PAPPA: variants seen among roughly 807,000 people sequenced by gnomAD.
PAPPA encodes the protein pappalysin 1.
In PAPPA, 60 loss-of-function variants were observed where a neutral mutation model predicts 164.0. The observed-to-expected ratio is 0.37, with a 90% CI of 0.30 to 0.45. PAPPA has a LOEUF of 0.45. Among genes scored for constraint, PAPPA ranks in the 20% least tolerant of loss-of-function variants. The pLI is 1.00. For missense variants in PAPPA, 1,782 were observed against 2,087.3 expected, an observed-to-expected ratio of 0.85 and a Z score of 2.85; for synonymous variants, 875 against 814.1, an observed-to-expected ratio of 1.07 and a Z score of -1.27.
intron 15 of PAPPA, among the ~76,000 whole-genome samples, chr9:116,349,702 T>G (rs1029337608): frequency 1.3e-5 from 2 of 152,228 alleles, no homozygotes; most frequent in African/African-American, 4.8e-5. Flanking sequence ...CCCACATTTG[T>G]AGACAGGCTG....
chr9:116,286,550 T>C (rs941696688), intron 9 of PAPPA: 1 of 152,186 alleles, frequency 6.6e-6, no homozygotes, highest in Non-Finnish European at 1.5e-5. Context: ...GTACTTGAGC[T>C]GAAGGTCCCC....
chr9:116,234,812 T>C (rs1352946479), intron 6 of PAPPA, among the ~76,000 whole-genome samples: 1 of 152,212 alleles, frequency 6.6e-6, no homozygotes. Context: ...GTTTAGCCAA[T>C]ATGTACCCTT....
rs2118629009 is a variant in PAPPA at position 116,187,602 on chromosome 9, G to T, written c.864G>T (p.Glu288Asp). The part of the protein sequence containing the change: ...HTALPQLLLQ[E>D]NWDNVKHAWS... ...CTCTACCTCAGCTCCTCCTCCAGGA[G>T]AACTGGGACAATGTGAAGCATGCCT... The change falls in exon 2 of 22, where the codon GAG becomes GAT. Residue 288 changes from glutamate to aspartate, a missense_variant. Glu to Asp is a conservative substitution (Grantham distance 45). Coordinates refer to ENST00000328252, the MANE Select transcript of PAPPA (RefSeq NM_002581.5). This position sits in a 1 kb window ranked among gnomAD's most constrained non-coding sequence, Gnocchi z 4.2. The T allele has an allele frequency of 1.2e-6, 2 of 1,614,226 alleles. No homozygotes were observed. The highest frequency in any genetic ancestry group is 4.5e-5 in the East Asian group (2 of 44,874).
Position 116,347,551 on chromosome 9 carries a change from T to C in PAPPA, c.3964+342T>C, listed in dbSNP as rs1846227832. Among the ~76,000 whole-genome samples, 1 of 152,202 alleles carries C rather than the reference T, an allele frequency of 6.6e-6. No homozygotes were observed. Among genetic ancestry groups the C allele is most frequent in the Admixed American group, 6.5e-5 (1 of 15,286 alleles). The stretch of plus-strand genomic sequence containing the variant: ...TGGGACTGATGAAACTAATTCACTC[T>C]GTATGATTAGGGCCAGTAAGCCTTA... On this transcript the variant is annotated intron_variant, in intron 15 of 21. Coordinates refer to ENST00000328252, the MANE Select transcript of PAPPA (RefSeq NM_002581.5). The surrounding 1 kb of genome is among the most constrained non-coding windows in gnomAD (Gnocchi z 4.5).
At chr9:116,325,115 G>A (rs1242039907) in intron 10 of PAPPA, among the ~76,000 whole-genome samples, 1 of 152,218 alleles carries the variant, frequency 6.6e-6, no homozygotes, top group East Asian at 1.9e-4. Flanking sequence ...GGAGGTTTCA[G>A]TTGAGTCCAA....
At chr9:116,386,185 G>T (rs1346288022) in intron 21 of PAPPA, among the ~76,000 whole-genome samples, 1 of 152,054 alleles carries the variant, frequency 6.6e-6, no homozygotes, top group African/African-American at 2.4e-5. Context: ...AGGTGTTTGG[G>T]GCTTTTCAGA....
chr9:116,299,877 ATT>A (rs11365748), intron 9 of PAPPA, among the ~76,000 whole-genome samples: 2,465 of 142,780 alleles, frequency 0.017, 61 homozygotes, highest in African/African-American at 0.051. Flanking sequence ...CATTACCTCC[ATT>A]TTTTTTTTTT....
intron 6 of PAPPA, among the ~76,000 whole-genome samples, chr9:116,230,934 G>C (rs1159726202): frequency 6.6e-6 from 1 of 152,054 alleles, no homozygotes; most frequent in Non-Finnish European, 1.5e-5. Context: ...TTAGCACATG[G>C]CACTAACTGT....
chr9:116,167,471 G>A (rs1843730579), intron 1 of PAPPA, among the ~76,000 whole-genome samples: 1 of 152,122 alleles, frequency 6.6e-6, no homozygotes, highest in South Asian at 2.1e-4. Flanking sequence ...AGGACCAATT[G>A]TGCACTTATT....
At chr9:116,220,268 T>G in intron 5 of PAPPA, 139 bp downstream of exon 5, 1 of 544,428 alleles carries the variant, frequency 1.8e-6, no homozygotes, top group Admixed American at 3.2e-5. Flanking sequence ...CCACCTAGCA[T>G]GTTGTAAATT....
intron 7 of PAPPA, among the ~76,000 whole-genome samples, chr9:116,252,892 A>G (rs749953793): frequency 2.0e-5 from 3 of 152,182 alleles, no homozygotes; most frequent in Admixed American, 6.5e-5. Flanking sequence ...TACTGCTCAG[A>G]GCACTATACT....
chr9:116,396,773 A>C lies in PAPPA; in HGVS notation c.*157A>C. 1.7e-6 allele frequency: 1 copy of C among 596,616 alleles called. No individual in the cohort carries two copies. Among genetic ancestry groups the C allele is most frequent in the African/African-American group, 1.9e-5 (1 of 53,932 alleles). 37.0% of individuals were successfully genotyped at this position (596,616 alleles called of 1,614,324 possible). A position where few individuals can be genotyped will look rare whatever the true frequency, so the allele number is the denominator to read the frequency against. ...TTAATTTTACCCAGGAAGGACTCAC[A>C]TTGGGGCGAATGAACCAAGTTTCGC... On this transcript the variant is annotated 3_prime_UTR_variant, in exon 22 of 22. Transcript: ENST00000328252.
chr9:116,281,570 A>G (rs1331205582), intron 9 of PAPPA, among the ~76,000 whole-genome samples: 1 of 152,158 alleles, frequency 6.6e-6, no homozygotes, highest in African/African-American at 2.4e-5. Context: ...TTTAGGCAGC[A>G]TCCAGGATCC....
At chr9:116,238,245 A>G (rs1355953880) in intron 7 of PAPPA, among the ~76,000 whole-genome samples, 2 of 152,238 alleles carry the variant, frequency 1.3e-5, no homozygotes, top group Non-Finnish European at 2.9e-5. Context: ...GTGTGGCCCC[A>G]GACCAATGGC....
intron 2 of PAPPA, among the ~76,000 whole-genome samples, chr9:116,193,944 T>TGGA (rs1844073855): frequency 6.6e-6 from 1 of 152,164 alleles, no homozygotes; most frequent in African/African-American, 2.4e-5. Flanking sequence ...AGGGATGCAA[T>TGGA]AGGCTTTTAG....
In PAPPA at chr9:116,358,920, T is replaced by C. The variant is rs117675045; in HGVS notation, c.4348-3672T>C. On this transcript the variant is annotated intron_variant, in intron 17 of 21. Transcript: ENST00000328252. ...CAGTACAGCAAAGTGAGTAAGAACC[T>C]CATCTGACGATTACAGAGCTCAGTA... 3.2e-4 allele frequency among the ~76,000 whole-genome samples: 48 copies of C among 152,332 alleles called. No homozygotes were observed. The East Asian group carries it at 9.1e-3, about 29-fold the overall frequency.
At chr9:116,294,098 A>G (rs1254254626) in intron 9 of PAPPA, among the ~76,000 whole-genome samples, 1 of 152,206 alleles carries the variant, frequency 6.6e-6, no homozygotes, top group Non-Finnish European at 1.5e-5. Flanking sequence ...AGGGCTAAGT[A>G]GATAGAATAT....
At chr9:116,334,790 C>A in intron 12 of PAPPA, 71 bp from the exon 13 acceptor site, 1 of 1,148,500 alleles carries the variant, frequency 8.7e-7, no homozygotes, top group Non-Finnish European at 1.3e-6. Flanking sequence ...TCGGGAAGGG[C>A]CCGTTGGGGA....
intron 4 of PAPPA, among the ~76,000 whole-genome samples, chr9:116,218,788 G>A (rs998959303): frequency 2.0e-5 from 3 of 152,046 alleles, no homozygotes; most frequent in Admixed American, 2.0e-4. Flanking sequence ...GGACTGCCTG[G>A]GTTCAAACCC....
Sources: allele counts gnomAD v4.1 joint callset (sites outside exome capture counted in the v4.1 genomes callset), GRCh38; gene constraint gnomAD v4.1.1; non-coding constraint Gnocchi (gnomAD v3.1); transcripts MANE v1.5; gene names NCBI Gene and HGNC (gene_info 2026-07-23, HGNC 2026-07-21).